LRFN5: variants seen among roughly 807,000 people sequenced by gnomAD.
LRFN5 encodes the protein leucine-rich repeat and fibronectin type-III domain-containing protein 5.
Under a neutral mutation model 45.6 loss-of-function variants are expected in LRFN5, and 24 were observed. The ratio of observed to expected loss-of-function variants is 0.53; its 90% CI spans 0.38 to 0.74. LRFN5 has a LOEUF of 0.74. Ranked by LOEUF, LRFN5 falls within the 30% of genes least tolerant of loss-of-function variation. The pLI is 0.00. For missense variants in LRFN5, 776 were observed against 861.5 expected (o/e 0.90, Z 1.24); for synonymous variants, 340 against 313.8 (o/e 1.08, Z -0.88).
intron 1 of LRFN5, among the ~76,000 whole-genome samples, chr14:41,674,766 C>G (rs554564040): frequency 1.1e-4 from 17 of 150,074 alleles, no homozygotes; most frequent in African/African-American, 3.9e-4. Flanking sequence ...ACTTCCCAGA[C>G]GGGGTGGCTG....
intron 4 of LRFN5, 72 bp from the exon 5 acceptor site, chr14:41,898,845 A>T: frequency 7.3e-7 from 1 of 1,361,936 alleles, no homozygotes; most frequent in East Asian, 2.3e-5. Flanking sequence ...CCAAGATTTC[A>T]GTAAGAGGTT....
intron 1 of LRFN5, among the ~76,000 whole-genome samples, chr14:41,664,995 A>C (rs1001936665): frequency 3.3e-5 from 5 of 151,998 alleles, no homozygotes; most frequent in Non-Finnish European, 7.4e-5. Context: ...TCAGTAAACC[A>C]TTTTGCTGTC....
intron 4 of LRFN5, among the ~76,000 whole-genome samples, chr14:41,898,112 T>G (rs1286139152): frequency 1.3e-5 from 2 of 152,112 alleles, no homozygotes; most frequent in Non-Finnish European, 2.9e-5. Context: ...TGAATATTTG[T>G]GCTGAAAGTT....
chr14:41,851,927 A>T (rs1889281247), intron 2 of LRFN5, among the ~76,000 whole-genome samples: 1 of 151,722 alleles, frequency 6.6e-6, no homozygotes, highest in Non-Finnish European at 1.5e-5. Flanking sequence ...TATAGAAACC[A>T]TACCTAATTT....
intron 2 of LRFN5, among the ~76,000 whole-genome samples, chr14:41,783,781 T>C (rs1436697516): frequency 6.6e-6 from 1 of 151,956 alleles, no homozygotes; most frequent in Non-Finnish European, 1.5e-5. Context: ...AAATTATACA[T>C]GTTATAAATA....
At chr14:41,669,839 T>C (rs930164615) in intron 1 of LRFN5, among the ~76,000 whole-genome samples, 3 of 151,198 alleles carry the variant, frequency 2.0e-5, no homozygotes, top group Non-Finnish European at 4.4e-5. Context: ...TAAAGTATGC[T>C]CATAAAATGG....
intron 1 of LRFN5, among the ~76,000 whole-genome samples, chr14:41,663,909 T>G (rs995473444): frequency 6.6e-6 from 1 of 152,060 alleles, no homozygotes; most frequent in Non-Finnish European, 1.5e-5. Flanking sequence ...AGGAGAGAGA[T>G]AACTTGATCA....
chr14:41,615,753 G>A (rs1162562985), intron 1 of LRFN5, among the ~76,000 whole-genome samples: 4 of 152,010 alleles, frequency 2.6e-5, no homozygotes, highest in East Asian at 3.9e-4. Flanking sequence ...CAAGGCATTC[G>A]GGTTCTTAAC....
At chr14:41,697,362 A>T (rs913964629) in intron 1 of LRFN5, among the ~76,000 whole-genome samples, 16 of 151,860 alleles carry the variant, frequency 1.1e-4, no homozygotes, top group African/African-American at 3.4e-4. Context: ...CAAATCAATA[A>T]TCTTTTAAAA....
intron 1 of LRFN5, among the ~76,000 whole-genome samples, chr14:41,704,686 T>C (rs1882992512): frequency 6.6e-6 from 1 of 152,142 alleles, no homozygotes; most frequent in African/African-American, 2.4e-5. Context: ...TTATCACTTA[T>C]TGTACTAGTT....
chr14:41,714,259 T>C (rs1350733733), intron 1 of LRFN5, among the ~76,000 whole-genome samples: 1 of 152,172 alleles, frequency 6.6e-6, no homozygotes, highest in East Asian at 1.9e-4. Flanking sequence ...TTTAGAGGGA[T>C]ACTTCTTTCT....
intron 1 of LRFN5, among the ~76,000 whole-genome samples, chr14:41,677,270 G>C (rs1267666092): frequency 6.6e-6 from 1 of 152,060 alleles, no homozygotes; most frequent in African/African-American, 2.4e-5. Context: ...CCACCTGCAG[G>C]GGATGAATAA....
At chr14:41,752,942 A>T (rs968075272) in intron 1 of LRFN5, among the ~76,000 whole-genome samples, 6 of 152,166 alleles carry the variant, frequency 3.9e-5, no homozygotes, top group African/African-American at 1.4e-4. Flanking sequence ...TAATTTTTGT[A>T]TAAGGTGTAA....
At chr14:41,798,704 CATT>C (rs1887218783) in intron 2 of LRFN5, among the ~76,000 whole-genome samples, 1 of 151,788 alleles carries the variant, frequency 6.6e-6, no homozygotes, top group African/African-American at 2.4e-5. Flanking sequence ...TTCCCTGAAA[CATT>C]GTCTCATTAG....
At chr14:41,624,345 A>G (rs1356479646) in intron 1 of LRFN5, among the ~76,000 whole-genome samples, 1 of 152,134 alleles carries the variant, frequency 6.6e-6, no homozygotes, top group African/African-American at 2.4e-5. Context: ...AAAATCAACA[A>G]TAGATTGTTC....
At chr14:41,670,256 GAT>G (rs1165968461) in intron 1 of LRFN5, among the ~76,000 whole-genome samples, 2,118 of 45,534 alleles carry the variant, frequency 0.047, 35 homozygotes, top group Middle Eastern at 0.079. Context: ...CATACACACA[GAT>G]ATATATATAT....
chr14:41,888,626 G>A (rs920718780), intron 3 of LRFN5, among the ~76,000 whole-genome samples: 1 of 151,938 alleles, frequency 6.6e-6, no homozygotes, highest in Non-Finnish European at 1.5e-5. Context: ...GTGATTAAGG[G>A]GTATGTGTGC....
Position 41,624,608 on chromosome 14 carries a change from C to G in LRFN5, c.-197+16046C>G, listed in dbSNP as rs534223151. ...TAACCCTAAGTTTCTTGAAGTGTAA[C>G]CAGTGACAGACTAAAGTAACATTTT... is the stretch of plus-strand genomic sequence containing the variant. On this transcript the variant is annotated intron_variant, in intron 1 of 5. Coordinates refer to ENST00000298119, the MANE Select transcript of LRFN5 (RefSeq NM_152447.5). Among the ~76,000 whole-genome samples, 26 of 152,130 alleles carry G rather than the reference C, an allele frequency of 1.7e-4. 2 individuals are homozygous for G. In the South Asian group the frequency reaches 3.7e-3, roughly 22 times the overall value.
At chr14:41,705,600 C>T (rs139147703) in intron 1 of LRFN5, among the ~76,000 whole-genome samples, 2 of 151,980 alleles carry the variant, frequency 1.3e-5, no homozygotes, top group Non-Finnish European at 1.5e-5. Context: ...GGGTAATACA[C>T]TTTTCTTTTC....
Sources: allele counts gnomAD v4.1 joint callset (sites outside exome capture counted in the v4.1 genomes callset), GRCh38; gene constraint gnomAD v4.1.1; transcripts MANE v1.5; gene names NCBI Gene and HGNC (gene_info 2026-07-23, HGNC 2026-07-21).